Variants in CCDC80 observed in about 807,000 individuals in gnomAD.
CCDC80 encodes the protein coiled-coil domain containing 80.
CCDC80 carries 49 observed loss-of-function variants against 78.7 expected under a neutral mutation model. The observed-to-expected ratio is 0.62, with a 90% confidence interval of 0.50 to 0.79. CCDC80 has a LOEUF of 0.79. Among genes scored for constraint, CCDC80 ranks in the 30% least tolerant of loss-of-function variants. The pLI is 0.00. For missense variants in CCDC80, 1,205 were observed against 1,198.6 expected (o/e 1.01, Z -0.08); for synonymous variants, 488 against 447.0 (o/e 1.09, Z -1.16).
chr3:112,623,227 A>T (rs1474122875), intron 3 of CCDC80, among the ~76,000 whole-genome samples: 1 of 152,106 alleles, frequency 6.6e-6, no homozygotes, highest in South Asian at 2.1e-4. Context: ...GTGGTACTAA[A>T]TTTTTTCATG....
chr3:112,616,973 A>C (rs1935765552), intron 4 of CCDC80, 115 bp from the exon 5 acceptor site: 18 of 1,024,084 alleles, frequency 1.8e-5, no homozygotes, highest in Non-Finnish European at 2.6e-5. Flanking sequence ...TTGAAATCAG[A>C]GCCTAGAAGA....
chr3:112,616,775 C>T lies in CCDC80; in HGVS notation c.2256G>A (p.Lys752=). The T allele has an allele frequency of 6.2e-7, 1 of 1,614,220 alleles. No individual in the cohort carries two copies. The highest frequency in any genetic ancestry group is 8.5e-7 in the Non-Finnish European group (1 of 1,180,036). The change falls in exon 5 of 8, where the codon AAG becomes AAA. Residue 752 remains lysine, a synonymous_variant. Coordinates refer to ENST00000206423, the MANE Select transcript of CCDC80 (RefSeq NM_199511.3). ...TGCAAACAATGCCCTCCTTCTTCTG[C>T]TTCTCCATATCTTTGATTCGGGACT... ...TFQSRIKDME[K]QKKEGIVCKE...
Position 112,616,582 on chromosome 3 carries a change from G to A in CCDC80, c.2321+128C>T, listed in dbSNP as rs548932569. 48 of 1,036,822 alleles carry A rather than the reference G, an allele frequency of 4.6e-5. No homozygotes were observed. The African/African-American group carries it at 5.7e-4, about 12-fold the overall frequency. The allele number at this position is 1,036,822 out of a possible 1,614,324, so 64.2% of individuals were successfully genotyped here. On this transcript the variant is annotated intron_variant, in intron 5 of 7. Transcript: ENST00000206423. ...GACTAAGCTCAGTGGCCAGAGATGG[G>A]TAGGTTTTTCTCCAAGGAGGATTAC...
chr3:112,625,693 G>A (rs1446598688), intron 3 of CCDC80, among the ~76,000 whole-genome samples: 1 of 151,918 alleles, frequency 6.6e-6, no homozygotes, highest in Non-Finnish European at 1.5e-5. Flanking sequence ...AAATATATAG[G>A]TATTTATTTG....
chr3:112,624,511 G>C (rs896102637), intron 3 of CCDC80, among the ~76,000 whole-genome samples: 4 of 152,160 alleles, frequency 2.6e-5, no homozygotes, highest in African/African-American at 7.2e-5. Flanking sequence ...AAATGGATAA[G>C]TTTAAATTAC....
In CCDC80 at chr3:112,638,990, G is replaced by A. The variant is rs1366614307; in HGVS notation, c.916C>T (p.Leu306=). ...DGGGGAGRPS[L]GSEKKKEDPR... ...TCCTCTTTCTTCTTCTCGCTGCCCA[G>A]GCTTGGCCTTCCTGCTCCCCCTCCA... is the stretch of plus-strand genomic sequence containing the variant. The change falls in exon 2 of 8, where the codon CTG becomes TTG. Residue 306 remains leucine (L), a synonymous_variant. Coordinates refer to ENST00000206423, the MANE Select transcript of CCDC80 (RefSeq NM_199511.3). The A allele has an allele frequency of 1.6e-5, 25 of 1,611,714 alleles. No individual in the cohort carries two copies. The highest frequency in any genetic ancestry group is 2.1e-5 in the Non-Finnish European group (25 of 1,179,984).
At chr3:112,614,736 C>T (rs1047297375) in intron 5 of CCDC80, among the ~76,000 whole-genome samples, 25 of 152,164 alleles carry the variant, frequency 1.6e-4, no homozygotes, top group African/African-American at 5.6e-4. Flanking sequence ...GCTTCAAATT[C>T]TAGGCCTTTA....
intron 6 of CCDC80, among the ~76,000 whole-genome samples, chr3:112,609,054 G>GA (rs1022654548): frequency 6.6e-6 from 1 of 152,118 alleles, no homozygotes; most frequent in Non-Finnish European, 1.5e-5. Context: ...TTCTAATGGA[G>GA]AATTTTTTAA....
At chr3:112,633,921 A>T (rs1455514468) in intron 2 of CCDC80, among the ~76,000 whole-genome samples, 1 of 152,212 alleles carries the variant, frequency 6.6e-6, no homozygotes, top group African/African-American at 2.4e-5. Flanking sequence ...TTCCAGTTTG[A>T]TGGCAATAAA....
chr3:112,640,241 A>G (rs1406240498), intron 1 of CCDC80, 86 bp downstream of exon 1: 3 of 267,372 alleles, frequency 1.1e-5, no homozygotes, highest in Non-Finnish European at 2.1e-5. Flanking sequence ...CATATTAATT[A>G]TGACAACATT....
chr3:112,619,250 C>T lies in CCDC80; in HGVS notation c.2036-146G>A, dbSNP rs375063026. 159 of 638,854 alleles carry T rather than the reference C, an allele frequency of 2.5e-4. 2 individuals carry two copies. Among genetic ancestry groups the T allele is most frequent in the African/African-American group, 1.4e-3 (72 of 52,534 alleles). 39.6% of individuals were successfully genotyped at this position (638,854 alleles called of 1,614,324 possible). A position where few individuals can be genotyped will look rare whatever the true frequency, so the allele number is the denominator to read the frequency against. On this transcript the variant is annotated intron_variant, in intron 3 of 7. Coordinates refer to ENST00000206423, the MANE Select transcript of CCDC80 (RefSeq NM_199511.3). ...CACGTTGTGTTTGAACAAAAGTTTT[C>T]GGAGTAAATTAATAAATATAGAAAT...
At chr3:112,615,082 GGGT>G (rs1935706774) in intron 5 of CCDC80, among the ~76,000 whole-genome samples, 1 of 152,194 alleles carries the variant, frequency 6.6e-6, no homozygotes, top group Admixed American at 6.5e-5. Flanking sequence ...TTAATTTTAT[GGGT>G]GAGAGATTTT....
chr3:112,614,903 T>C (rs1266210150), intron 5 of CCDC80, among the ~76,000 whole-genome samples: 2 of 152,202 alleles, frequency 1.3e-5, no homozygotes, highest in Non-Finnish European at 2.9e-5. Context: ...TTGTCTCTCC[T>C]GCAACATGAC....
At position 112,639,028 on chromosome 3, in the gene CCDC80, TC is replaced by T. The variant is rs747306515; in HGVS notation, c.877del (p.Glu293ArgfsTer36). 6.8e-6 allele frequency: 11 copies of T among 1,609,058 alleles called. No individual in the cohort carries two copies. The highest frequency in any genetic ancestry group is 9.3e-6 in the Non-Finnish European group (11 of 1,179,210). On this transcript the variant is annotated frameshift_variant, in exon 2 of 8. Transcript: ENST00000206423. LOFTEE classifies it high-confidence loss of function. ...TGCTCCCCCTCCACCGTCATTCCCC[TC>T]CGCCACCACCTGGCCCTCTACACCA... ...ASGVEGQVVAEGNDGGGGAGR... is the reference protein window; with the variant it reads ...ASGVEGQVVAXGNDGGGGAGR...
intron 2 of CCDC80, among the ~76,000 whole-genome samples, chr3:112,637,684 C>T (rs1050333764): frequency 6.6e-6 from 1 of 152,146 alleles, no homozygotes; most frequent in Non-Finnish European, 1.5e-5. Context: ...AGAGCTTTGT[C>T]CAGAAATATC....
chr3:112,610,310 C>T lies in CCDC80; in HGVS notation c.2322-229G>A. 9 of 523,624 alleles carry T rather than the reference C, an allele frequency of 1.7e-5. 1 individual carries two copies. Among genetic ancestry groups the T allele is most frequent in the South Asian group, 1.2e-4 (6 of 48,702 alleles). 32.4% of individuals were successfully genotyped at this position (523,624 alleles called of 1,614,324 possible). A position where few individuals can be genotyped will look rare whatever the true frequency, so the allele number is the denominator to read the frequency against. The stretch of plus-strand genomic sequence containing the variant: ...TCTTTCTGCTTTGGCATTTGCATGA[C>T]GTGTCAAGCATGAGTCTGTGGTCAC... On this transcript the variant is annotated intron_variant, in intron 5 of 7. Transcript: ENST00000206423.
chr3:112,607,280 G>C (rs767521795), intron 6 of CCDC80, 24 bp from the exon 7 acceptor site: 1 of 1,570,934 alleles, frequency 6.4e-7, no homozygotes, highest in Admixed American at 1.8e-5. Context: ...GAAAACCATA[G>C]GATTAGAGGA....
Position 112,638,700 on chromosome 3 carries a change from C to A in CCDC80, c.1206G>T (p.Val402=), listed in dbSNP as rs1255127210. 6.2e-7 allele frequency: 1 copy of A among 1,613,944 alleles called. No homozygotes were observed. Among genetic ancestry groups the A allele is most frequent in the South Asian group, 1.1e-5 (1 of 91,074 alleles). The change falls in exon 2 of 8, where the codon GTG becomes GTT. Residue 402 remains valine (V), a synonymous_variant. Coordinates refer to ENST00000206423, the MANE Select transcript of CCDC80 (RefSeq NM_199511.3). ...PSHRPPTTTE[V]ITARRPSVSE... ...AAACTGAGGGTCTCCTGGCAGTGAT[C>A]ACCTCAGTGGTTGTAGGGGGCCTGT...
intron 2 of CCDC80, among the ~76,000 whole-genome samples, chr3:112,633,018 C>T (rs1275506316): frequency 6.6e-6 from 1 of 152,176 alleles, no homozygotes. Flanking sequence ...CCTAGTTCAG[C>T]TCCTGGCTAG....
Sources: gnomAD v4.1 joint callset for allele counts (sites outside exome capture counted in the v4.1 genomes callset) on GRCh38, gnomAD v4.1.1 for gene constraint, MANE v1.5 for transcripts, NCBI Gene and HGNC (gene_info 2026-07-23, HGNC 2026-07-21) for gene names.